Variants in LPP observed in about 807,000 individuals in gnomAD.
LPP encodes the protein lipoma-preferred partner.
LPP carries 38 observed loss-of-function variants against 60.4 expected under a neutral mutation model. The observed-to-expected ratio is 0.63, with a 90% confidence interval of 0.49 to 0.83. LPP has a LOEUF of 0.83. Among genes scored for constraint, LPP ranks in the 40% least tolerant of loss-of-function variants. LPP has a pLI of 0.00. For synonymous variants in LPP, 328 were observed against 290.8 expected (o/e 1.13, Z -1.30); for missense variants, 902 against 783.6 (o/e 1.15, Z -1.80).
intron 5 of LPP, among the ~76,000 whole-genome samples, chr3:188,498,801 C>T (rs1007015541): frequency 3.3e-5 from 5 of 152,162 alleles, no homozygotes; most frequent in South Asian, 2.1e-4. Flanking sequence ...GATTTCTCCA[C>T]GTCCTTGCCG....
At chr3:188,576,971 G>C (rs551817048) in intron 6 of LPP, among the ~76,000 whole-genome samples, 1 of 152,268 alleles carries the variant, frequency 6.6e-6, no homozygotes, top group East Asian at 1.9e-4. Flanking sequence ...TAATCAGCGT[G>C]GTTATCTTGG....
chr3:188,355,775 T>C (rs1767425362), intron 3 of LPP, among the ~76,000 whole-genome samples: 1 of 152,218 alleles, frequency 6.6e-6, no homozygotes, highest in South Asian at 2.1e-4. Flanking sequence ...ATGTGACAGT[T>C]TGTTAATCAT....
intron 7 of LPP, among the ~76,000 whole-genome samples, chr3:188,648,420 T>C (rs1385912173): frequency 2.0e-5 from 3 of 152,156 alleles, no homozygotes. Context: ...TTAGTGCTCA[T>C]AACTGGCTTA....
In LPP at chr3:188,887,159, C is replaced by T. The variant is rs1770778709; in HGVS notation, c.*12680C>T. On this transcript the variant is annotated 3_prime_UTR_variant, in exon 12 of 12. Coordinates refer to ENST00000617246, the MANE Select transcript of LPP (RefSeq NM_001375462.1). ...CATCACAAGAGAGTAAATATGAAGT[C>T]TGAATGTCGTTCCTCACCCCCAAAT... is the stretch of plus-strand genomic sequence containing the variant. 1.3e-5 allele frequency: 3 copies of T among 227,122 alleles called. No individual in the cohort carries two copies. Among genetic ancestry groups the T allele is most frequent in the Non-Finnish European group, 2.6e-5 (3 of 114,322 alleles). 14.1% of individuals were successfully genotyped at this position (227,122 alleles called of 1,614,324 possible). A position where few individuals can be genotyped will look rare whatever the true frequency, so the allele number is the denominator to read the frequency against.
intron 1 of LPP, among the ~76,000 whole-genome samples, chr3:188,165,132 C>T (rs1440279376): frequency 6.6e-6 from 1 of 151,962 alleles, no homozygotes; most frequent in Non-Finnish European, 1.5e-5. Context: ...AAAAAATTAG[C>T]CAGTGTGGTA....
At chr3:188,245,262 G>A (rs991863618) in intron 2 of LPP, among the ~76,000 whole-genome samples, 10 of 152,006 alleles carry the variant, frequency 6.6e-5, no homozygotes, top group African/African-American at 9.7e-5. Flanking sequence ...ACAGGCACCC[G>A]CCACTACGCC....
At chr3:188,634,480 G>A (rs1482724834) in intron 7 of LPP, among the ~76,000 whole-genome samples, 1 of 152,212 alleles carries the variant, frequency 6.6e-6, no homozygotes, top group Non-Finnish European at 1.5e-5. Context: ...CTACCAGTCC[G>A]TGACCTGTTG....
chr3:188,800,246 C>CTTTTTTTTTTTTTTTTT (rs33982362), intron 9 of LPP, among the ~76,000 whole-genome samples: 1 of 97,310 alleles, frequency 1.0e-5, no homozygotes, highest in Non-Finnish European at 1.9e-5. Flanking sequence ...TTGAAGCTTT[C>CTTTTTTTTTTTTTTTTT]TTTTTTTTTT....
At chr3:188,200,192 G>C (rs1730679663) in intron 1 of LPP, among the ~76,000 whole-genome samples, 1 of 151,752 alleles carries the variant, frequency 6.6e-6, no homozygotes, top group African/African-American at 2.4e-5. Context: ...TAATTTAACA[G>C]GAAAGAGATG....
At chr3:188,835,684 C>T (rs929279473) in intron 9 of LPP, among the ~76,000 whole-genome samples, 1 of 152,106 alleles carries the variant, frequency 6.6e-6, no homozygotes, top group Non-Finnish European at 1.5e-5. Context: ...GTTAGGACTG[C>T]CACAGAGCAG....
At chr3:188,551,781 T>C (rs1378232531) in intron 6 of LPP, among the ~76,000 whole-genome samples, 1 of 152,150 alleles carries the variant, frequency 6.6e-6, no homozygotes, top group East Asian at 1.9e-4. Context: ...CATTGGTCAA[T>C]TGTGGACATT....
chr3:188,595,083 A>G (rs1010162386), intron 6 of LPP, among the ~76,000 whole-genome samples: 29 of 152,180 alleles, frequency 1.9e-4, no homozygotes, highest in Non-Finnish European at 3.2e-4. Context: ...AACCTTAGGT[A>G]TCAGAATTTA....
At chr3:188,755,674 C>T (rs989836898) in intron 8 of LPP, among the ~76,000 whole-genome samples, 1 of 151,462 alleles carries the variant, frequency 6.6e-6, no homozygotes, top group Non-Finnish European at 1.5e-5. Flanking sequence ...GGCTTGGTGG[C>T]GTGTGCCTAT....
intron 2 of LPP, among the ~76,000 whole-genome samples, chr3:188,252,075 TAC>T (rs1187257468): frequency 0.12 from 6,801 of 57,598 alleles, 722 homozygotes; most frequent in Non-Finnish European, 0.14. Flanking sequence ...TATATATATA[TAC>T]ACACACACAC....
intron 9 of LPP, among the ~76,000 whole-genome samples, chr3:188,784,243 A>G (rs1466262919): frequency 1.3e-5 from 2 of 150,878 alleles, no homozygotes; most frequent in Non-Finnish European, 2.9e-5. Context: ...GTCACTGTGA[A>G]TGCCATTATT....
At chr3:188,230,728 G>C (rs139551330) in intron 2 of LPP, among the ~76,000 whole-genome samples, 1 of 149,424 alleles carries the variant, frequency 6.7e-6, no homozygotes, top group Admixed American at 6.7e-5. Context: ...AGCCGAGATC[G>C]CACCATTGCA....
intron 7 of LPP, among the ~76,000 whole-genome samples, chr3:188,612,312 G>A (rs991457400): frequency 6.6e-6 from 1 of 152,120 alleles, no homozygotes; most frequent in African/African-American, 2.4e-5. Flanking sequence ...TGAGGGCATT[G>A]GCTGATGAAA....
At chr3:188,243,627 G>A (rs1475756100) in intron 2 of LPP, among the ~76,000 whole-genome samples, 2 of 152,012 alleles carry the variant, frequency 1.3e-5, no homozygotes, top group African/African-American at 4.8e-5. Flanking sequence ...GCTGTCCTGG[G>A]GTCTATCACT....
intron 7 of LPP, among the ~76,000 whole-genome samples, chr3:188,681,284 G>A (rs536967525): frequency 5.3e-5 from 8 of 152,206 alleles, no homozygotes; most frequent in Admixed American, 2.6e-4. Context: ...GTGAGCCACC[G>A]CACCCGGCCG....
Sources: allele counts gnomAD v4.1 joint callset (sites outside exome capture counted in the v4.1 genomes callset), GRCh38; gene constraint gnomAD v4.1.1; transcripts MANE v1.5; gene names NCBI Gene and HGNC (gene_info 2026-07-23, HGNC 2026-07-21).